MYRIP: variants seen among roughly 807,000 people sequenced by gnomAD.
MYRIP encodes the protein myosin VIIA and Rab interacting protein.
Under a neutral mutation model 98.0 loss-of-function variants are expected in MYRIP, and 49 were observed. The ratio of observed to expected loss-of-function variants is 0.50; its 90% CI spans 0.40 to 0.63. The LOEUF is 0.63. Ranked by LOEUF, MYRIP falls within the 30% of genes least tolerant of loss-of-function variation. The pLI, the probability that MYRIP is intolerant of heterozygous loss-of-function variation, is 0.00. For synonymous variants in MYRIP, 404 were observed against 409.5 expected (o/e 0.99, Z 0.16); for missense variants, 1,004 against 1,058.2 (o/e 0.95, Z 0.71).
At chr3:39,941,826 C>T (rs925901880) in intron 2 of MYRIP, among the ~76,000 whole-genome samples, 3 of 151,916 alleles carry the variant, frequency 2.0e-5, no homozygotes, top group African/African-American at 7.3e-5. Flanking sequence ...TTATCTTCTC[C>T]AATTGGTTTT....
At chr3:39,966,310 A>G (rs1487225224) in intron 2 of MYRIP, among the ~76,000 whole-genome samples, 1 of 152,184 alleles carries the variant, frequency 6.6e-6, no homozygotes, top group Non-Finnish European at 1.5e-5. Context: ...TGAAGATATT[A>G]AAGGAGAGGT....
intron 1 of MYRIP, among the ~76,000 whole-genome samples, chr3:39,826,872 C>G (rs1004821964): frequency 6.6e-6 from 1 of 151,932 alleles, no homozygotes; most frequent in Non-Finnish European, 1.5e-5. Context: ...ATTGATTGGT[C>G]TCTTTATTAT....
intron 3 of MYRIP, among the ~76,000 whole-genome samples, chr3:40,059,465 G>A (rs1000015530): frequency 6.6e-6 from 1 of 152,092 alleles, no homozygotes; most frequent in African/African-American, 2.4e-5. Flanking sequence ...ACTTTTTAAT[G>A]ATCACCATTC....
intron 3 of MYRIP, among the ~76,000 whole-genome samples, chr3:40,069,902 CT>C (rs1374539832): frequency 6.6e-6 from 1 of 152,204 alleles, no homozygotes; most frequent in Non-Finnish European, 1.5e-5. Flanking sequence ...TTGGGGACCC[CT>C]GTCTTACCAA....
chr3:40,077,354 G>A (rs536734576), intron 3 of MYRIP, among the ~76,000 whole-genome samples: 46 of 152,204 alleles, frequency 3.0e-4, no homozygotes, highest in Non-Finnish European at 6.2e-4. Context: ...CTGCTGATTG[G>A]TAGAGCCTAG....
chr3:40,188,312 C>G (rs1383162765), intron 9 of MYRIP, among the ~76,000 whole-genome samples: 1 of 152,140 alleles, frequency 6.6e-6, no homozygotes, highest in Admixed American at 6.5e-5. Flanking sequence ...TTTTAACTAG[C>G]ATAAAGTAAG....
chr3:40,079,745 G>T (rs940129733), intron 3 of MYRIP, among the ~76,000 whole-genome samples: 3 of 152,238 alleles, frequency 2.0e-5, no homozygotes, highest in African/African-American at 7.2e-5. Context: ...AGTTAGCCAA[G>T]TTCAGAAGGC....
intron 3 of MYRIP, among the ~76,000 whole-genome samples, chr3:40,122,641 T>C (rs1485910274): frequency 6.6e-6 from 1 of 151,854 alleles, no homozygotes; most frequent in African/African-American, 2.4e-5. Context: ...TCTCATTCAT[T>C]TGGGGGACTA....
intron 11 of MYRIP, among the ~76,000 whole-genome samples, chr3:40,232,022 T>TG (rs1952675383): frequency 6.6e-6 from 1 of 152,146 alleles, no homozygotes; most frequent in South Asian, 2.1e-4. Flanking sequence ...TCCTGAAAAG[T>TG]GGGGGACATC....
In MYRIP at chr3:40,092,182, A is replaced by C. The variant is rs189624815; in HGVS notation, c.332+47911A>C. ...TGAAAGGAGGTACATCTGGAGCTCCAAGTCAGCCCTTGAGCTTTTGAAGCT... is the reference window on the plus strand; with the variant it reads ...TGAAAGGAGGTACATCTGGAGCTCCCAGTCAGCCCTTGAGCTTTTGAAGCT... On this transcript the variant is annotated intron_variant, in intron 3 of 16. Transcript: ENST00000302541. Among the ~76,000 whole-genome samples the C allele has an allele frequency of 4.3e-3, 658 of 152,314 alleles. 4 individuals are homozygous for C. Among genetic ancestry groups the C allele is most frequent in the Middle Eastern group, 0.02 (6 of 294 alleles).
intron 3 of MYRIP, among the ~76,000 whole-genome samples, chr3:40,117,673 C>T (rs1304172011): frequency 2.0e-5 from 3 of 152,066 alleles, no homozygotes. Flanking sequence ...AACAGCAGCC[C>T]TTAGGATGCG....
At chr3:40,101,571 C>A (rs574019319) in intron 3 of MYRIP, among the ~76,000 whole-genome samples, 4 of 152,124 alleles carry the variant, frequency 2.6e-5, no homozygotes, top group Non-Finnish European at 5.9e-5. Flanking sequence ...GATTAATTCT[C>A]TAGTTTTCTT....
chr3:40,044,804 A>G (rs867675913), intron 3 of MYRIP, among the ~76,000 whole-genome samples: 2 of 152,336 alleles, frequency 1.3e-5, no homozygotes, highest in African/African-American at 4.8e-5. Flanking sequence ...AGCTTCATAG[A>G]GGACAAGAAA....
intron 3 of MYRIP, among the ~76,000 whole-genome samples, chr3:40,119,722 A>G (rs1055671970): frequency 2.0e-5 from 3 of 151,784 alleles, no homozygotes; most frequent in Non-Finnish European, 2.9e-5. Context: ...GAACAATGAG[A>G]ACACCTGGAC....
intron 2 of MYRIP, among the ~76,000 whole-genome samples, chr3:40,035,505 C>T (rs1195286320): frequency 6.6e-6 from 1 of 151,910 alleles, no homozygotes; most frequent in African/African-American, 2.4e-5. Flanking sequence ...CTACCTGGAA[C>T]AAGAGTTAAT....
intron 2 of MYRIP, among the ~76,000 whole-genome samples, chr3:39,950,924 C>A (rs1219471562): frequency 2.0e-5 from 3 of 152,054 alleles, no homozygotes; most frequent in African/African-American, 7.2e-5. Context: ...TTCTGTTATA[C>A]CTTTTTGTAT....
At chr3:40,190,896 T>C (rs1575611833) in intron 10 of MYRIP, among the ~76,000 whole-genome samples, 1 of 152,336 alleles carries the variant, frequency 6.6e-6, no homozygotes, top group East Asian at 1.9e-4. Flanking sequence ...GATCCAACTG[T>C]GTGGCCTTGG....
At chr3:39,858,842 A>G (rs922384032) in intron 1 of MYRIP, among the ~76,000 whole-genome samples, 3 of 152,226 alleles carry the variant, frequency 2.0e-5, no homozygotes, top group African/African-American at 2.4e-5. Flanking sequence ...GAGAGAAACA[A>G]AAATGGAAAC....
At chr3:39,896,718 C>G (rs1391620588) in intron 1 of MYRIP, among the ~76,000 whole-genome samples, 3 of 152,154 alleles carry the variant, frequency 2.0e-5, no homozygotes, top group African/African-American at 7.2e-5. Flanking sequence ...CAAAAATGTA[C>G]TGTGGGTTTG....
Sources: allele counts gnomAD v4.1 joint callset (sites outside exome capture counted in the v4.1 genomes callset), GRCh38; gene constraint gnomAD v4.1.1; transcripts MANE v1.5; gene names NCBI Gene and HGNC (gene_info 2026-07-23, HGNC 2026-07-21).